APOLD1: variants seen among roughly 807,000 people sequenced by gnomAD.
APOLD1 encodes apolipoprotein L domain-containing protein 1.
Under a neutral mutation model 15.3 loss-of-function variants are expected in APOLD1, and 22 were observed. That is an observed-to-expected ratio of 1.44 (90% CI 1.03 to 2.05). The LOEUF (loss-of-function observed/expected upper bound fraction) is 2.05. Among genes scored for constraint, APOLD1 ranks in the 30% most tolerant of loss-of-function variants. The pLI is 0.00. For missense variants in APOLD1, 394 were observed against 353.5 expected (o/e 1.11, Z -0.92); for synonymous variants, 190 against 167.4 (o/e 1.13, Z -1.04).
At position 12,787,032 on chromosome 12, in the gene APOLD1, CGGCGCCTGGAGCGCCTGCGCA is replaced by C; in HGVS notation, c.133_153del (p.Leu45_Arg51del). ...GGTGCTGCGCCTGCGCGAGGTGGCC[CGGCGCCTGGAGCGCCTGCGCA>C]GGCGCTCCCTCGTAGCCAACGTGGC... is the stretch of plus-strand genomic sequence containing the variant. On this transcript the variant is annotated inframe_deletion, in exon 2 of 2. Transcript: ENST00000356591. This position sits in a 1 kb window ranked among gnomAD's most constrained non-coding sequence, Gnocchi z 4.9. 7.3e-7 allele frequency: 1 copy of C among 1,377,356 alleles called. No homozygotes were observed. Among genetic ancestry groups the C allele is most frequent in the Non-Finnish European group, 9.3e-7 (1 of 1,076,438 alleles). The allele number at this position is 1,377,356 out of a possible 1,614,324, so 85.3% of individuals were successfully genotyped here. A position where few individuals can be genotyped will look rare whatever the true frequency, so the allele number is the denominator to read the frequency against.
chr12:12,770,422 G>A (rs764847725), intron 1 of APOLD1, among the ~76,000 whole-genome samples: 2 of 152,078 alleles, frequency 1.3e-5, no homozygotes, highest in African/African-American at 4.8e-5. Flanking sequence ...ACAACAAAAT[G>A]TTAGAGATAA....
chr12:12,742,219 CA>C (rs948693574), intron 1 of APOLD1, among the ~76,000 whole-genome samples: 3 of 148,498 alleles, frequency 2.0e-5, no homozygotes, highest in African/African-American at 5.0e-5. Context: ...GTTGCTTTGG[CA>C]AAAAAAAAGG....
chr12:12,726,114 GGGAGGGT>G, intron 1 of APOLD1: 1 of 1,468,544 alleles, frequency 6.8e-7, no homozygotes, highest in Non-Finnish European at 9.1e-7. Flanking sequence ...TGGGGAGTGC[GGGAGGGT>G]GGAGGTGGCC....
intron 1 of APOLD1, among the ~76,000 whole-genome samples, chr12:12,748,476 T>A (rs75874358): frequency 3.9e-5 from 6 of 152,196 alleles, no homozygotes; most frequent in Admixed American, 3.9e-4. Flanking sequence ...AAACAATATT[T>A]TTTTGTGAAT....
rs1452087526 is a variant in APOLD1 at position 12,788,203 on chromosome 12, C to T, written c.*551C>T. 6.5e-6 allele frequency: 1 copy of T among 152,726 alleles called. No homozygotes were observed. Among genetic ancestry groups the T allele is most frequent in the East Asian group, 1.9e-4 (1 of 5,206 alleles). 9.5% of individuals were successfully genotyped at this position (152,726 alleles called of 1,614,324 possible). ...GACCCTGGTGCTGATATCTCCTCCT[C>T]TTCCCTTTCCCCTCAGCTTACTTAC... On this transcript the variant is annotated 3_prime_UTR_variant, in exon 2 of 2. Transcript: ENST00000356591.
At chr12:12,771,420 C>T (rs1946986025) in intron 1 of APOLD1, 1 of 421,276 alleles carries the variant, frequency 2.4e-6, no homozygotes, top group South Asian at 1.9e-5. Flanking sequence ...TATTATCCCA[C>T]AAGAGGTTGA....
At position 12,778,612 on chromosome 12, in the gene APOLD1, G is replaced by A. The variant is rs1381375556; in HGVS notation, c.97-8297G>A. Among the ~76,000 whole-genome samples, 5 of 152,060 alleles carry A rather than the reference G, an allele frequency of 3.3e-5. No homozygotes were observed. In the East Asian group the frequency reaches 9.7e-4, roughly 29 times the overall value. ...CAAAGTGCTGGGATTACAGGAGCCA[G>A]CCAGTGTGCCTAGCTCCTACCCCTT... is the stretch of plus-strand genomic sequence containing the variant. On this transcript the variant is annotated intron_variant, in intron 1 of 1. Coordinates refer to the APOLD1 transcript ENST00000326765.
chr12:12,787,198 G>C lies in APOLD1; in HGVS notation c.293G>C (p.Gly98Ala), dbSNP rs1279360097. 6.5e-7 allele frequency: 1 copy of C among 1,548,882 alleles called. No homozygotes were observed. The highest frequency in any genetic ancestry group is 1.2e-5 in the South Asian group (1 of 81,722). The change falls in exon 2 of 2, where the codon GGA becomes GCA. Residue 98 changes from glycine to alanine, a missense_variant. Transcript: ENST00000356591. This position sits in a 1 kb window ranked among gnomAD's most constrained non-coding sequence, Gnocchi z 4.9. ...GTGGGGCTGGGGGTGGCCACAGCCG[G>C]AGGGGCCGTCACCATCACGTCCGAT... Reference protein sequence around the residue: ...SAVGLGVATAGGAVTITSDLS... With the variant: ...SAVGLGVATAAGAVTITSDLS...
rs1947157698 is a variant in APOLD1 at position 12,788,928 on chromosome 12, G to A, written c.*1276G>A. 1 of 152,094 alleles carries A rather than the reference G, an allele frequency of 6.6e-6. No individual in the cohort carries two copies. The highest frequency in any genetic ancestry group is 1.5e-5 in the Non-Finnish European group (1 of 68,042). 9.4% of individuals were successfully genotyped at this position (152,094 alleles called of 1,614,324 possible). On this transcript the variant is annotated 3_prime_UTR_variant, in exon 2 of 2. Coordinates refer to ENST00000356591, the MANE Select transcript of APOLD1 (RefSeq NM_030817.3). Reference sequence around the variant, plus strand: ...AGAGAGCACGCGTACGTGCACCCTGGGGCAGTGTCTCACCGTATGAACAAG... The same window carrying A: ...AGAGAGCACGCGTACGTGCACCCTGAGGCAGTGTCTCACCGTATGAACAAG...
chr12:12,787,806 C>T lies in APOLD1; in HGVS notation c.*154C>T. On this transcript the variant is annotated 3_prime_UTR_variant, in exon 2 of 2. Transcript: ENST00000356591. The surrounding 1 kb of genome is among the most constrained non-coding windows in gnomAD (Gnocchi z 4.9). ...TTTGAAGTGGGCAGGTCCCCAAAGC[C>T]CTTCTTTTCCCATCACTGTGACATC... 1 of 1,065,910 alleles carries T rather than the reference C, an allele frequency of 9.4e-7. No homozygotes were observed. The highest frequency in any genetic ancestry group is 1.3e-6 in the Non-Finnish European group (1 of 761,818). The allele number at this position is 1,065,910 out of a possible 1,614,324, so 66.0% of individuals were successfully genotyped here.
At chr12:12,779,537 C>A (rs1395823655) in intron 1 of APOLD1, among the ~76,000 whole-genome samples, 3 of 152,122 alleles carry the variant, frequency 2.0e-5, no homozygotes, top group African/African-American at 4.8e-5. Context: ...CACTATATAA[C>A]AAAAACGATG....
At chr12:12,752,328 C>T in intron 1 of APOLD1, among the ~76,000 whole-genome samples, 1 of 152,130 alleles carries the variant, frequency 6.6e-6, no homozygotes, top group Middle Eastern at 3.2e-3. Context: ...TAGGATGCTA[C>T]CCATATGATG....
chr12:12,727,612 A>C (rs961112851), intron 1 of APOLD1, among the ~76,000 whole-genome samples: 14 of 151,394 alleles, frequency 9.2e-5, no homozygotes, highest in African/African-American at 1.7e-4. Flanking sequence ...TCTTCTTCTT[A>C]TTTTTTTTAA....
chr12:12,778,071 T>G (rs987471337), intron 1 of APOLD1, among the ~76,000 whole-genome samples: 3 of 148,932 alleles, frequency 2.0e-5, no homozygotes, highest in Non-Finnish European at 4.5e-5. Context: ...ACCACAGGGG[T>G]GCACAACCAC....
chr12:12,745,472 G>A (rs1019422426), intron 1 of APOLD1, among the ~76,000 whole-genome samples: 1 of 152,074 alleles, frequency 6.6e-6, no homozygotes, highest in African/African-American at 2.4e-5. Flanking sequence ...GGAAGTTGCG[G>A]TGGGCCAATA....
intron 1 of APOLD1, among the ~76,000 whole-genome samples, chr12:12,766,832 CTA>C (rs1015476846): frequency 1.2e-4 from 18 of 151,012 alleles, no homozygotes; most frequent in African/African-American, 4.1e-4. Context: ...CAGAGTGAAA[CTA>C]TGTCTCAAAA....
intron 1 of APOLD1, among the ~76,000 whole-genome samples, chr12:12,775,154 A>G (rs2136394412): frequency 6.6e-6 from 1 of 152,344 alleles, no homozygotes; most frequent in East Asian, 1.9e-4. Flanking sequence ...AAAGATGTGG[A>G]GGAAATTTAA....
rs778542739 is a variant in APOLD1, at chr12:12,787,362, C to T, written c.457C>T (p.Leu153=). ...GCAGGGCTGCGGGGACCGCCAGCTG[C>T]TGCAGTGCGGGAGGAACGCCTCCAT... ...RWQGCGDRQL[L]QCGRNASIAL... is the part of the protein sequence containing the mutation. The change falls in exon 2 of 2, where the codon CTG becomes TTG. Residue 153 remains leucine, a synonymous_variant. Transcript: ENST00000356591. The surrounding 1 kb of genome is among the most constrained non-coding windows in gnomAD (Gnocchi z 4.9). 6.2e-6 allele frequency: 10 copies of T among 1,614,108 alleles called. No homozygotes were observed. In the African/African-American group the frequency reaches 9.3e-5, roughly 15 times the overall value.
At chr12:12,726,113 C>T (rs1946590024) in intron 1 of APOLD1, 2 of 1,056,962 alleles carry the variant, frequency 1.9e-6, no homozygotes, top group South Asian at 1.5e-5. Context: ...CTGGGGAGTG[C>T]GGGAGGGTGG....
Sources: gnomAD v4.1 joint callset for allele counts (sites outside exome capture counted in the v4.1 genomes callset) on GRCh38, gnomAD v4.1.1 for gene constraint, Gnocchi (gnomAD v3.1) non-coding constraint, MANE v1.5 for transcripts, NCBI Gene and HGNC (gene_info 2026-07-23, HGNC 2026-07-21) for gene names.